Variants in KIF18A observed in about 807,000 individuals in gnomAD.
KIF18A encodes kinesin-like protein KIF18A.
In KIF18A, 67 loss-of-function variants were observed where a neutral mutation model predicts 103.3. The observed-to-expected ratio is 0.65, with a 90% confidence interval of 0.53 to 0.79. KIF18A has a LOEUF of 0.79. KIF18A is among the 30% of genes least tolerant of loss of function. KIF18A has a pLI of 0.00. For missense variants in KIF18A, 1,032 were observed against 1,062.5 expected (o/e 0.97, Z 0.40); for synonymous variants, 367 against 355.5 (o/e 1.03, Z -0.36).
At chr11:28,028,941 A>C (rs1013664961) in intron 15 of KIF18A, among the ~76,000 whole-genome samples, 1 of 152,174 alleles carries the variant, frequency 6.6e-6, no homozygotes, top group Non-Finnish European at 1.5e-5. Context: ...GAAATGGATA[A>C]ATTCCTGGAC....
In KIF18A at chr11:28,021,040, AAAC is replaced by A. The variant is rs550035645; in HGVS notation, c.*157_*159del. On this transcript the variant is annotated 3_prime_UTR_variant, in exon 17 of 17. Coordinates refer to ENST00000263181, the MANE Select transcript of KIF18A (RefSeq NM_031217.4). ...TATTTTTTTAGAACACAAAAGAAGA[AAAC>A]AAAGAGTTTCATTTTTCTGCTTGCT... The A allele has an allele frequency of 8.7e-4, 506 of 583,602 alleles. 1 individual carries two copies. The highest frequency in any genetic ancestry group is 1.1e-3 in the Non-Finnish European group (456 of 410,234). 36.2% of individuals were successfully genotyped at this position (583,602 alleles called of 1,614,324 possible).
chr11:28,085,276 T>G (rs990262184), intron 6 of KIF18A, among the ~76,000 whole-genome samples: 2 of 152,084 alleles, frequency 1.3e-5, no homozygotes, highest in Non-Finnish European at 2.9e-5. Context: ...CTCCTTTCCT[T>G]GGAGGAGTCA....
At chr11:28,060,621 G>A (rs899727294) in intron 12 of KIF18A, among the ~76,000 whole-genome samples, 1 of 152,156 alleles carries the variant, frequency 6.6e-6, no homozygotes, top group Non-Finnish European at 1.5e-5. Flanking sequence ...AGAAAGGCTT[G>A]GTTATAAGGT....
intron 9 of KIF18A, among the ~76,000 whole-genome samples, chr11:28,080,616 G>A (rs936649433): frequency 6.6e-6 from 1 of 151,942 alleles, no homozygotes; most frequent in Non-Finnish European, 1.5e-5. Flanking sequence ...GTGCTCTGAC[G>A]GCTCCACTGA....
intron 14 of KIF18A, 138 bp downstream of exon 14, chr11:28,036,079 A>G (rs1850482393): frequency 3.4e-6 from 2 of 583,994 alleles, no homozygotes; most frequent in East Asian, 5.7e-5. Flanking sequence ...TCAGAGAGAA[A>G]GATAATTAAA....
At chr11:28,068,277 G>T (rs1386418463) in intron 11 of KIF18A, among the ~76,000 whole-genome samples, 1 of 152,180 alleles carries the variant, frequency 6.6e-6, no homozygotes, top group East Asian at 1.9e-4. Context: ...GTCAGGGGTA[G>T]GGGGCAAGGG....
rs1850293152 is a variant in KIF18A, at chr11:28,024,782, A to G, written c.2505-932T>C. On this transcript the variant is annotated intron_variant, in intron 15 of 16. Transcript: ENST00000263181. Reference sequence around the variant, plus strand: ...AGGATTGGGGGGGGTTGGGTGGAAAAAGAACATCCTTCCACGCTGATTCAA... The same window carrying G: ...AGGATTGGGGGGGGTTGGGTGGAAAGAGAACATCCTTCCACGCTGATTCAA... 2.0e-5 allele frequency among the ~76,000 whole-genome samples: 3 copies of G among 151,960 alleles called. No individual in the cohort carries two copies. In the South Asian group the frequency reaches 6.2e-4, roughly 31 times the overall value.
chr11:28,082,572 T>C (rs1460611051), intron 9 of KIF18A, among the ~76,000 whole-genome samples: 1 of 152,166 alleles, frequency 6.6e-6, no homozygotes, highest in African/African-American at 2.4e-5. Context: ...TAGACTATAG[T>C]GTAGTGTAAA....
intron 10 of KIF18A, among the ~76,000 whole-genome samples, chr11:28,072,112 A>G (rs1253502306): frequency 6.6e-6 from 1 of 152,178 alleles, no homozygotes; most frequent in Non-Finnish European, 1.5e-5. Context: ...TTGGGAATAC[A>G]TTCTAAAATA....
intron 1 of KIF18A, among the ~76,000 whole-genome samples, chr11:28,106,016 A>C (rs997925737): frequency 1.3e-5 from 2 of 152,228 alleles, no homozygotes; most frequent in Admixed American, 6.5e-5. Context: ...ACCAAATGTC[A>C]AATATAAGTC....
rs542056072 is a variant in KIF18A at position 28,045,344 on chromosome 11, A to G, written c.1949-8680T>C. ...AATATTTCAATTCTCCAGGAAGTCT[A>G]TCTCACAGATTTGGCTGAGGACTGT... On this transcript the variant is annotated intron_variant, in intron 13 of 16. Transcript: ENST00000263181. Among the ~76,000 whole-genome samples the G allele has an allele frequency of 2.6e-5, 4 of 152,020 alleles. No homozygotes were observed. The East Asian group carries it at 7.7e-4, about 29-fold the overall frequency.
intron 13 of KIF18A, among the ~76,000 whole-genome samples, chr11:28,055,661 A>G (rs1296970861): frequency 6.6e-6 from 1 of 152,148 alleles, no homozygotes; most frequent in Non-Finnish European, 1.5e-5. Flanking sequence ...CTGAAATAGG[A>G]CTGAGGTGAT....
chr11:28,077,224 A>G (rs1376880251), intron 9 of KIF18A, 55 bp from the exon 10 acceptor site: 1 of 1,292,214 alleles, frequency 7.7e-7, no homozygotes, highest in South Asian at 1.4e-5. Context: ...CAAATCATAC[A>G]AAGTTTACTT....
At chr11:28,040,868 A>G (rs978424432) in intron 13 of KIF18A, among the ~76,000 whole-genome samples, 3 of 151,804 alleles carry the variant, frequency 2.0e-5, no homozygotes, top group African/African-American at 7.2e-5. Flanking sequence ...CATTTCTATT[A>G]CCTTGAATGA....
In KIF18A at chr11:28,077,114, A is replaced by G. The variant is rs752582792; in HGVS notation, c.1318T>C (p.Tyr440His). Residue 440 changes from tyrosine (Y) to histidine (H), a missense_variant, in exon 10 of 17, where the codon TAT (tyrosine) becomes CAT (histidine). By Grantham distance (83) the Tyr-to-His change is moderately conservative (BLOSUM62 2). Transcript: ENST00000263181. The part of the protein sequence containing the change: ...FQNREEIRQE[Y>H]LKLEMLLKEN... ...TTAAGTAACATTTCCAACTTCAGAT[A>G]TTCTTGTCTAATTTCTTCTCGATTC... 6.3e-7 allele frequency: 1 copy of G among 1,577,258 alleles called. No homozygotes were observed. Among genetic ancestry groups the G allele is most frequent in the East Asian group, 2.3e-5 (1 of 43,230 alleles).
Position 28,077,134 on chromosome 11 carries a change from C to G in KIF18A, c.1298G>C (p.Arg433Pro). 6.3e-7 allele frequency: 1 copy of G among 1,576,888 alleles called. No homozygotes were observed. Among genetic ancestry groups the G allele is most frequent in the South Asian group, 1.2e-5 (1 of 84,662 alleles). Residue 433 changes from arginine (R) to proline (P), a missense_variant, in exon 10 of 17, where the codon CGA becomes CCA. By Grantham distance (103) the Arg-to-Pro change is moderately radical. Transcript: ENST00000263181. Reference sequence around the variant, plus strand: ...CAGATATTCTTGTCTAATTTCTTCTCGATTCTGGAACAAGCAGTTCAGGAT... The same window carrying G: ...CAGATATTCTTGTCTAATTTCTTCTGGATTCTGGAACAAGCAGTTCAGGAT... ...QEILNCLFQNREEIRQEYLKL... is the reference protein window; with the variant it reads ...QEILNCLFQNPEEIRQEYLKL...
chr11:28,024,642 C>A (rs12790932), intron 15 of KIF18A, among the ~76,000 whole-genome samples: 44,134 of 151,774 alleles, frequency 0.29, 7,257 homozygotes, highest in African/African-American at 0.44. Flanking sequence ...GCTATAGATT[C>A]TTGAGTGTAG....
intron 6 of KIF18A, among the ~76,000 whole-genome samples, chr11:28,086,923 TAA>T (rs948336114): frequency 6.6e-6 from 1 of 152,174 alleles, no homozygotes; most frequent in African/African-American, 2.4e-5. Flanking sequence ...ACTCAGAATA[TAA>T]AAGACATCTT....
At chr11:28,069,691 C>CT (rs559491385) in intron 10 of KIF18A, among the ~76,000 whole-genome samples, 252 of 144,504 alleles carry the variant, frequency 1.7e-3, no homozygotes, top group Middle Eastern at 3.6e-3. Context: ...AAGACTATAA[C>CT]TTTTTTTTTT....
Sources: gnomAD v4.1 joint callset for allele counts (sites outside exome capture counted in the v4.1 genomes callset) on GRCh38, gnomAD v4.1.1 for gene constraint, MANE v1.5 for transcripts, NCBI Gene and HGNC (gene_info 2026-07-23, HGNC 2026-07-21) for gene names.